The following DSC1 variants were observed in gnomAD, a reference collection of about 807,000 sequenced individuals.
The protein encoded by DSC1 is desmocollin-1.
In DSC1, 79 loss-of-function variants were observed where a neutral mutation model predicts 98.8. The ratio of observed to expected loss-of-function variants is 0.80; its 90% CI spans 0.67 to 0.96. The LOEUF (loss-of-function observed/expected upper bound fraction) is 0.96. Among genes scored for constraint, DSC1 ranks in the 50% least tolerant of loss-of-function variants. DSC1 has a pLI of 0.00. For synonymous variants in DSC1, 405 were observed against 372.1 expected (o/e 1.09, Z -1.02); for missense variants, 1,115 against 1,075.9 (o/e 1.04, Z -0.51).
rs1325989573 is a variant in DSC1 at position 31,138,560 on chromosome 18, A to G, written c.1663+1188T>C. ...GAGTAAACATAAAGTCTTCTTTGCC[A>G]ACATAGAAAAAAGTAGGGGTATAAT... On this transcript the variant is annotated intron_variant, in intron 11 of 15. Coordinates refer to ENST00000257198, the MANE Select transcript of DSC1 (RefSeq NM_024421.2). 3.3e-5 allele frequency among the ~76,000 whole-genome samples: 5 copies of G among 152,120 alleles called. No homozygotes were observed. In the East Asian group the frequency reaches 7.7e-4, roughly 24 times the overall value.
intron 5 of DSC1, among the ~76,000 whole-genome samples, chr18:31,150,303 T>G (rs368620597): frequency 4.8e-5 from 2 of 41,402 alleles, no homozygotes; most frequent in Admixed American, 3.5e-4. Context: ...ACTACCATCA[T>G]CACCACCACT....
chr18:31,155,843 A>G (rs891380658), intron 4 of DSC1, among the ~76,000 whole-genome samples, 200 bp downstream of exon 4: 4 of 152,218 alleles, frequency 2.6e-5, no homozygotes, highest in Admixed American at 6.5e-5. Context: ...ACTTGTTTCT[A>G]AATTTCTAAA....
intron 6 of DSC1, among the ~76,000 whole-genome samples, chr18:31,147,642 C>T (rs1988874437): frequency 6.6e-6 from 1 of 152,034 alleles, no homozygotes; most frequent in Non-Finnish European, 1.5e-5. Context: ...TTGCCATCAT[C>T]CTAAACGCTG....
At chr18:31,158,650 A>C (rs1989147383) in intron 2 of DSC1, among the ~76,000 whole-genome samples, 1 of 152,190 alleles carries the variant, frequency 6.6e-6, no homozygotes, top group African/African-American at 2.4e-5. Context: ...ACTAAGACCC[A>C]CCAAAACTGT....
chr18:31,159,829 G>A (rs1306267803), intron 1 of DSC1, among the ~76,000 whole-genome samples: 8 of 152,100 alleles, frequency 5.3e-5, no homozygotes, highest in East Asian at 1.9e-4. Context: ...GAAGTTATAC[G>A]TCTCTAAGAC....
At position 31,130,438 on chromosome 18, in the gene DSC1, C is replaced by G. The variant is rs1016243235; in HGVS notation, c.*76G>C. 5 of 1,535,086 alleles carry G rather than the reference C, an allele frequency of 3.3e-6. No individual in the cohort carries two copies. The African/African-American group carries it at 6.9e-5, about 21-fold the overall frequency. On this transcript the variant is annotated 3_prime_UTR_variant, in exon 16 of 16. Coordinates refer to ENST00000257198, the MANE Select transcript of DSC1 (RefSeq NM_024421.2). ...TTACCTCCATAAACAAAAACATTAG[C>G]AGATGCTGCTAACATTCTGCAAGTA...
In DSC1 at chr18:31,159,047, G is replaced by GTTTTTTTTTTTTTTTT. The variant is rs560889140; in HGVS notation, c.148+382_148+397dup. ...TTTAACTTCAAGTAGCTACTATGTGGTTTTTTTTTTTTTTTTTGAGACAGA... is the reference window on the plus strand; with the variant it reads ...TTTAACTTCAAGTAGCTACTATGTGGTTTTTTTTTTTTTTTTTTTTTTTTTTTTTTTTTGAGACAGA... On this transcript the variant is annotated intron_variant, in intron 2 of 15. Transcript: ENST00000257198. Among the ~76,000 whole-genome samples, 303 of 71,024 alleles carry GTTTTTTTTTTTTTTTT rather than the reference G, an allele frequency of 4.3e-3. 73 individuals carry two copies. Among genetic ancestry groups the GTTTTTTTTTTTTTTTT allele is most frequent in the African/African-American group, 0.012 (204 of 17,164 alleles). 46.6% of individuals were successfully genotyped at this position (71,024 alleles called of 152,430 possible).
In DSC1 at chr18:31,159,615, T is replaced by C. The variant is rs1217068882; in HGVS notation, c.64-86A>G. ...TAGCTTTTTCTTATTGATAAAAATATTGTCAATTTTGGAAACAAATTAATC... is the reference window on the plus strand; with the variant it reads ...TAGCTTTTTCTTATTGATAAAAATACTGTCAATTTTGGAAACAAATTAATC... On this transcript the variant is annotated intron_variant, in intron 1 of 15. Coordinates refer to ENST00000257198, the MANE Select transcript of DSC1 (RefSeq NM_024421.2). 2 of 1,253,360 alleles carry C rather than the reference T, an allele frequency of 1.6e-6. 1 individual carries two copies. The highest frequency in any genetic ancestry group is 2.9e-5 in the South Asian group (2 of 69,582). The allele number at this position is 1,253,360 out of a possible 1,614,324, so 77.6% of individuals were successfully genotyped here. A position where few individuals can be genotyped will look rare whatever the true frequency, so the allele number is the denominator to read the frequency against.
intron 5 of DSC1, among the ~76,000 whole-genome samples, chr18:31,151,548 A>G (rs1201421869): frequency 6.6e-6 from 1 of 152,220 alleles, no homozygotes. Context: ...ATTTTTAGCT[A>G]GGTTATAAGT....
chr18:31,154,383 A>G (rs959221308), intron 5 of DSC1, among the ~76,000 whole-genome samples: 2 of 152,020 alleles, frequency 1.3e-5, no homozygotes, highest in African/African-American at 2.4e-5. Flanking sequence ...AAATCAGAAT[A>G]CTTGGGCATG....
rs148326131 is a variant in DSC1 at position 31,140,211 on chromosome 18, G to A, written c.1351C>T (p.Pro451Ser). The A allele has an allele frequency of 2.5e-5, 40 of 1,613,984 alleles. No individual in the cohort carries two copies. The African/African-American group carries it at 4.9e-4, about 20-fold the overall frequency. The change falls in exon 10 of 16, where the codon CCT becomes TCT. Residue 451 changes from proline to serine, a missense_variant. Pro to Ser is a moderately conservative substitution (Grantham distance 74, BLOSUM62 -1). Coordinates refer to ENST00000257198, the MANE Select transcript of DSC1 (RefSeq NM_024421.2). Reference protein sequence around the residue: ...QFSKAASSQTPTMCTTTVTVK... With the variant: ...QFSKAASSQTSTMCTTTVTVK... ...GTGACAGTTGTAGTGCACATTGTAG[G>A]AGTTTGTGAGCTCGCTGCTTTAGAG...
intron 2 of DSC1, among the ~76,000 whole-genome samples, chr18:31,158,162 G>A (rs1989138991): frequency 6.6e-6 from 1 of 152,080 alleles, no homozygotes; most frequent in Non-Finnish European, 1.5e-5. Flanking sequence ...AGCGACTCAG[G>A]AGGCTTAGTC....
At chr18:31,155,030 A>T in intron 4 of DSC1, 101 bp from the exon 5 acceptor site, 2 of 1,320,414 alleles carry the variant, frequency 1.5e-6, no homozygotes, top group East Asian at 2.5e-5. Context: ...CCTCTTTCCT[A>T]CTCTCCTATT....
At chr18:31,134,244 CTTT>C in intron 12 of DSC1, 114 bp from the exon 13 acceptor site, 1 of 1,081,740 alleles carries the variant, frequency 9.2e-7, no homozygotes, top group Non-Finnish European at 1.2e-6. Flanking sequence ...TCGAATTTTT[CTTT>C]TTTTTTTTGA....
In DSC1 at chr18:31,143,716, T is replaced by G. The variant is rs1303421646; in HGVS notation, c.1015A>C (p.Thr339Pro). 1 of 1,601,830 alleles carries G rather than the reference T, an allele frequency of 6.2e-7. No homozygotes were observed. Among genetic ancestry groups the G allele is most frequent in the African/African-American group, 1.3e-5 (1 of 74,452 alleles). ...GQPFGLFNTGTITISLEDEND... is the reference protein window; with the variant it reads ...GQPFGLFNTGPITISLEDEND... ...TCATCCTCAAGTGAAATAGTAATTG[T>G]TCCTGTATTAAATAAACCGAAAGGC... is the stretch of plus-strand genomic sequence containing the variant. Residue 339 changes from threonine (T) to proline (P), a missense_variant, in exon 8 of 16, where the codon ACA (threonine) becomes CCA (proline). By Grantham distance (38) the Thr-to-Pro change is conservative. Coordinates refer to ENST00000257198, the MANE Select transcript of DSC1 (RefSeq NM_024421.2).
intron 12 of DSC1, among the ~76,000 whole-genome samples, 162 bp from the exon 13 acceptor site, chr18:31,134,292 T>C (rs747362870): frequency 1.2e-3 from 187 of 152,100 alleles, no homozygotes; most frequent in Admixed American, 2.9e-3. Flanking sequence ...GAAAAGTAAT[T>C]GATGTTGCTT....
Position 31,159,047 on chromosome 18 carries a change from G to GTTTTTTTTTT in DSC1, c.148+388_148+397dup, listed in dbSNP as rs560889140. Among the ~76,000 whole-genome samples, 475 of 71,014 alleles carry GTTTTTTTTTT rather than the reference G, an allele frequency of 6.7e-3. 103 individuals are homozygous for GTTTTTTTTTT. The highest frequency in any genetic ancestry group is 0.025 in the African/African-American group (423 of 17,140). 46.6% of individuals were successfully genotyped at this position (71,014 alleles called of 152,430 possible). On this transcript the variant is annotated intron_variant, in intron 2 of 15. Coordinates refer to ENST00000257198, the MANE Select transcript of DSC1 (RefSeq NM_024421.2). ...TTTAACTTCAAGTAGCTACTATGTG[G>GTTTTTTTTTT]TTTTTTTTTTTTTTTTTGAGACAGA...
At chr18:31,158,886 C>T (rs943590434) in intron 2 of DSC1, among the ~76,000 whole-genome samples, 7 of 151,858 alleles carry the variant, frequency 4.6e-5, no homozygotes, top group African/African-American at 9.7e-5. Context: ...CTTTGTTTGA[C>T]GTAATCCAAG....
At chr18:31,158,250 G>A (rs1989140446) in intron 2 of DSC1, among the ~76,000 whole-genome samples, 1 of 152,170 alleles carries the variant, frequency 6.6e-6, no homozygotes, top group Admixed American at 6.6e-5. Flanking sequence ...CTGGGCAACA[G>A]AGCAAGACTT....
Sources: allele counts gnomAD v4.1 joint callset (sites outside exome capture counted in the v4.1 genomes callset), GRCh38; gene constraint gnomAD v4.1.1; transcripts MANE v1.5; gene names NCBI Gene and HGNC (gene_info 2026-07-23, HGNC 2026-07-21).